Variants in HECW2 observed in about 807,000 individuals in gnomAD.
HECW2 encodes the protein E3 ubiquitin-protein ligase HECW2.
In HECW2, 61 loss-of-function variants were observed where a neutral mutation model predicts 175.2. The ratio of observed to expected loss-of-function variants is 0.35; its 90% CI spans 0.28 to 0.43. HECW2 has a LOEUF of 0.43. HECW2 is among the 20% of genes least tolerant of loss of function. The probability of loss-of-function intolerance (pLI) is 1.00; values close to 1 mark genes in which losing one functional copy is unlikely to be tolerated. For synonymous variants in HECW2, 671 were observed against 731.0 expected (o/e 0.92, Z 1.32); for missense variants, 1,524 against 2,000.5 (o/e 0.76, Z 4.54).
intron 2 of HECW2, among the ~76,000 whole-genome samples, chr2:196,385,306 T>C (rs1694316506): frequency 6.6e-6 from 1 of 152,192 alleles, no homozygotes; most frequent in Non-Finnish European, 1.5e-5. Context: ...CCCCGGCTCA[T>C]TTATTTAATC....
At chr2:196,411,738 C>T (rs142049716) in intron 2 of HECW2, among the ~76,000 whole-genome samples, 7 of 152,312 alleles carry the variant, frequency 4.6e-5, no homozygotes, top group African/African-American at 1.4e-4. Context: ...AGCCTGGATG[C>T]GGTGGCTCAC....
chr2:196,270,790 C>A (rs1689701439), intron 17 of HECW2, among the ~76,000 whole-genome samples: 1 of 152,042 alleles, frequency 6.6e-6, no homozygotes, highest in Non-Finnish European at 1.5e-5. Flanking sequence ...CAACCTCCAC[C>A]TCCCAGGTTC....
chr2:196,222,168 T>G, intron 24 of HECW2, 43 bp downstream of exon 24: 1 of 1,586,816 alleles, frequency 6.3e-7, no homozygotes, highest in Non-Finnish European at 8.6e-7. Flanking sequence ...ATCAATAGCC[T>G]TCAGTTACCA....
intron 1 of HECW2, among the ~76,000 whole-genome samples, chr2:196,476,717 T>C (rs1009462766): frequency 6.6e-5 from 10 of 152,102 alleles, no homozygotes; most frequent in Non-Finnish European, 1.5e-4. Flanking sequence ...ACTGGTTTTA[T>C]ATTGTGACAA....
rs73051074 is a variant in HECW2, at chr2:196,497,599, T to A, written c.-35-64141A>T. Among the ~76,000 whole-genome samples, 413 of 152,290 alleles carry A rather than the reference T, an allele frequency of 2.7e-3. 1 individual carries two copies. Among genetic ancestry groups the A allele is most frequent in the African/African-American group, 9.6e-3 (401 of 41,570 alleles). On this transcript the variant is annotated intron_variant, in intron 1 of 28. Coordinates refer to ENST00000644978, the MANE Select transcript of HECW2 (RefSeq NM_001348768.2). The stretch of plus-strand genomic sequence containing the variant: ...AAAGGTTTTCTCTGACCTTCTCCTA[T>A]GTTCCTGTCTCTCAGTCCCATTCTC...
At chr2:196,373,817 G>C (rs1693972064) in intron 2 of HECW2, among the ~76,000 whole-genome samples, 1 of 152,074 alleles carries the variant, frequency 6.6e-6, no homozygotes, top group South Asian at 2.1e-4. Context: ...CAGATCACGA[G>C]GTCAGGAGAT....
chr2:196,505,386 A>T (rs1018495899), intron 1 of HECW2, among the ~76,000 whole-genome samples: 2 of 152,098 alleles, frequency 1.3e-5, no homozygotes, highest in African/African-American at 4.8e-5. Context: ...CTAAAACCAC[A>T]AAAATTAGCT....
intron 1 of HECW2, among the ~76,000 whole-genome samples, chr2:196,514,221 C>T (rs2125421301): frequency 6.6e-6 from 1 of 152,350 alleles, no homozygotes; most frequent in East Asian, 1.9e-4. Context: ...AAAGTTGTGG[C>T]CGAGTCTGAG....
chr2:196,325,914 G>A (rs564023972), intron 5 of HECW2, among the ~76,000 whole-genome samples: 9 of 152,214 alleles, frequency 5.9e-5, no homozygotes, highest in Non-Finnish European at 1.2e-4. Flanking sequence ...TGAGGAGACT[G>A]TATGTTTTTC....
intron 1 of HECW2, among the ~76,000 whole-genome samples, chr2:196,504,269 T>A (rs1477003815): frequency 8.6e-6 from 1 of 116,684 alleles, no homozygotes; most frequent in East Asian, 2.6e-4. Flanking sequence ...GCACTCCAGC[T>A]GGGGGATAAG....
intron 19 of HECW2, among the ~76,000 whole-genome samples, chr2:196,244,310 C>A (rs1242683085): frequency 6.6e-6 from 1 of 152,182 alleles, no homozygotes; most frequent in Non-Finnish European, 1.5e-5. Flanking sequence ...TGGGGCTATA[C>A]CTAGTCCTAT....
chr2:196,581,328 A>C (rs1690773261), intron 1 of HECW2, among the ~76,000 whole-genome samples: 1 of 152,188 alleles, frequency 6.6e-6, no homozygotes, highest in Non-Finnish European at 1.5e-5. Flanking sequence ...TGAGGTCAGG[A>C]GTTCAAGACC....
rs1464341716 is a variant in HECW2 at position 196,318,763 on chromosome 2, C to T, written c.2127G>A (p.Val709=). Residue 709 remains valine (V), a synonymous_variant, in exon 9 of 29, where the codon GTG becomes GTA. Transcript: ENST00000644978. ...CATCCTCCCCACTGGGCACCTGTAC[C>T]ACAGGTAAAGAACCAGCAGTGCACA... ...ESVCTAGSLP[V]VQVPSGEDEG... 1.3e-6 allele frequency: 2 copies of T among 1,527,010 alleles called. No homozygotes were observed. The highest frequency in any genetic ancestry group is 2.8e-5 in the African/African-American group (2 of 72,034). 94.6% of individuals were successfully genotyped at this position (1,527,010 alleles called of 1,614,324 possible). A position where few individuals can be genotyped will look rare whatever the true frequency, so the allele number is the denominator to read the frequency against.
chr2:196,449,820 C>T (rs1365651578), intron 1 of HECW2, among the ~76,000 whole-genome samples: 1 of 150,086 alleles, frequency 6.7e-6, no homozygotes, highest in African/African-American at 2.5e-5. Context: ...TATCCATTAC[C>T]TCATTAATCC....
chr2:196,421,096 T>G (rs1267738149), intron 2 of HECW2, among the ~76,000 whole-genome samples: 1 of 152,070 alleles, frequency 6.6e-6, no homozygotes, highest in Non-Finnish European at 1.5e-5. Context: ...GCAAATATGC[T>G]CAGGAAGAAT....
chr2:196,537,958 T>C (rs1689075225), intron 1 of HECW2, among the ~76,000 whole-genome samples: 1 of 152,182 alleles, frequency 6.6e-6, no homozygotes, highest in African/African-American at 2.4e-5. Flanking sequence ...ACCACTGTAC[T>C]TTCTTAATAA....
chr2:196,497,261 T>C (rs1687425967), intron 1 of HECW2, among the ~76,000 whole-genome samples: 1 of 152,244 alleles, frequency 6.6e-6, no homozygotes, highest in South Asian at 2.1e-4. Context: ...GACTTTAGTT[T>C]GTACGACTTT....
At chr2:196,358,930 AC>A (rs1401305771) in intron 2 of HECW2, among the ~76,000 whole-genome samples, 1 of 152,176 alleles carries the variant, frequency 6.6e-6, no homozygotes, top group Non-Finnish European at 1.5e-5. Context: ...CAGTTCTTCA[AC>A]AGAAGGTCAC....
intron 1 of HECW2, among the ~76,000 whole-genome samples, chr2:196,515,545 G>A (rs946563049): frequency 1.2e-4 from 19 of 152,314 alleles, no homozygotes; most frequent in African/African-American, 4.6e-4. Context: ...CCAGTAATGT[G>A]CAGCAGGACC....
Sources: allele counts gnomAD v4.1 joint callset (sites outside exome capture counted in the v4.1 genomes callset), GRCh38; gene constraint gnomAD v4.1.1; transcripts MANE v1.5; gene names NCBI Gene and HGNC (gene_info 2026-07-23, HGNC 2026-07-21).